Variants in ZNF428 observed in about 807,000 individuals in gnomAD.
The protein encoded by ZNF428 is enzyme-like protein PIT13.
ZNF428 carries 5 observed loss-of-function variants against 15.6 expected under a neutral mutation model. The observed-to-expected ratio is 0.32, with a 90% CI of 0.17 to 0.67. The LOEUF (loss-of-function observed/expected upper bound fraction) is 0.67. Ranked by LOEUF, ZNF428 falls within the 30% of genes least tolerant of loss-of-function variation. ZNF428 has a pLI of 0.73. For missense variants in ZNF428, 237 were observed against 256.0 expected, an observed-to-expected ratio of 0.93 and a Z score of 0.51; for synonymous variants, 97 against 102.2, an observed-to-expected ratio of 0.95 and a Z score of 0.31.
At chr19:43,608,898 A>T (rs1363864890) in intron 2 of ZNF428, among the ~76,000 whole-genome samples, 1 of 151,400 alleles carries the variant, frequency 6.6e-6, no homozygotes, top group Non-Finnish European at 1.5e-5. Flanking sequence ...ACTGCACTCC[A>T]GCCTGGGTGA....
At position 43,607,443 on chromosome 19, in the gene ZNF428, C is replaced by T; in HGVS notation, c.*174G>A. Reference sequence around the variant, plus strand: ...CACACACACACACACACACTCTGAACCAACACACACAGATACAGATTTTGG... The same window carrying T: ...CACACACACACACACACACTCTGAATCAACACACACAGATACAGATTTTGG... On this transcript the variant is annotated 3_prime_UTR_variant, in exon 3 of 3. Transcript: ENST00000300811. This position sits in a 1 kb window ranked among gnomAD's most constrained non-coding sequence, Gnocchi z 5.1. The T allele has an allele frequency of 5.2e-6, 4 of 771,852 alleles. No homozygotes were observed. The highest frequency in any genetic ancestry group is 8.0e-6 in the Non-Finnish European group (4 of 500,692). 47.8% of individuals were successfully genotyped at this position (771,852 alleles called of 1,614,324 possible). A position where few individuals can be genotyped will look rare whatever the true frequency, so the allele number is the denominator to read the frequency against.
At position 43,608,142 on chromosome 19, in the gene ZNF428, C is replaced by T. The variant is rs376984416; in HGVS notation, c.77-35G>A. 20 of 1,584,154 alleles carry T rather than the reference C, an allele frequency of 1.3e-5. No individual in the cohort carries two copies. The African/African-American group carries it at 2.4e-4, about 19-fold the overall frequency. ...GACAGACAGGGGAAGACAGTGGTATCAGAGGAAAGAGGGCTAGGCCAAGCT... is the reference window on the plus strand; with the variant it reads ...GACAGACAGGGGAAGACAGTGGTATTAGAGGAAAGAGGGCTAGGCCAAGCT... On this transcript the variant is annotated intron_variant, in intron 2 of 2. Transcript: ENST00000300811.
At chr19:43,614,053 TAC>T in intron 2 of ZNF428, 174 bp downstream of exon 2, 2 of 1,553,046 alleles carry the variant, frequency 1.3e-6, no homozygotes, top group Non-Finnish European at 1.7e-6. Context: ...CCAGTCAATC[TAC>T]AGTCCCCAGA....
rs1371952446 is a variant in ZNF428, at chr19:43,612,298, A to C, written c.76+1931T>G. On this transcript the variant is annotated intron_variant, in intron 2 of 2. Coordinates refer to ENST00000300811, the MANE Select transcript of ZNF428 (RefSeq NM_182498.4). The surrounding 1 kb of genome is among the most constrained non-coding windows in gnomAD (Gnocchi z 4.2). The stretch of plus-strand genomic sequence containing the variant: ...CATCCCGTAACTCAGTCATGAGCCC[A>C]AGCAGTTCCAAGTCCACCAAATCGA... 6.4e-7 allele frequency: 1 copy of C among 1,551,680 alleles called. No homozygotes were observed. The highest frequency in any genetic ancestry group is 2.4e-5 in the East Asian group (1 of 40,920).
Position 43,612,796 on chromosome 19 carries a change from T to G in ZNF428, c.76+1433A>C. 6.4e-7 allele frequency: 1 copy of G among 1,551,452 alleles called. No homozygotes were observed. The highest frequency in any genetic ancestry group is 8.7e-7 in the Non-Finnish European group (1 of 1,146,932). On this transcript the variant is annotated intron_variant, in intron 2 of 2. Transcript: ENST00000300811. The surrounding 1 kb of genome is among the most constrained non-coding windows in gnomAD (Gnocchi z 4.2). The stretch of plus-strand genomic sequence containing the variant: ...CCAAGTGTCAAACCCCGACTGGAAT[T>G]CCCTCCAAGGAGAAGAGTGACAACC...
At position 43,607,874 on chromosome 19, in the gene ZNF428, C is replaced by A; in HGVS notation, c.310G>T (p.Ala104Ser). 1.3e-6 allele frequency: 2 copies of A among 1,556,848 alleles called. No homozygotes were observed. Among genetic ancestry groups the A allele is most frequent in the Non-Finnish European group, 1.7e-6 (2 of 1,150,298 alleles). ...QLCGRSPLGE[A>S]PPGTPPCRLC... ...CGGCAGGGTGGGGTTCCCGGTGGGG[C>A]CTCCCCAAGGGGTGAGCGGCCACAG... Residue 104 changes from alanine to serine, a missense_variant, in exon 3 of 3, where the codon GCC becomes TCC. By Grantham distance (99) the Ala-to-Ser change is moderately conservative. Coordinates refer to ENST00000300811, the MANE Select transcript of ZNF428 (RefSeq NM_182498.4). This position sits in a 1 kb window ranked among gnomAD's most constrained non-coding sequence, Gnocchi z 5.1.
intron 2 of ZNF428, chr19:43,613,831 AC>A: frequency 6.5e-7 from 1 of 1,549,086 alleles, no homozygotes. Context: ...GAGATCGCAG[AC>A]GATGGAGAAG....
At chr19:43,615,151 C>G (rs774830019) in intron 1 of ZNF428, among the ~76,000 whole-genome samples, 2 of 152,122 alleles carry the variant, frequency 1.3e-5, no homozygotes, top group African/African-American at 4.8e-5. Context: ...TACTCTCACA[C>G]TATCACAACA....
chr19:43,608,043 ATCT>A lies in ZNF428; in HGVS notation c.138_140del (p.Glu46del), dbSNP rs1375746306. The A allele has an allele frequency of 1.4e-5, 22 of 1,613,572 alleles. No individual in the cohort carries two copies. The highest frequency in any genetic ancestry group is 4.5e-5 in the East Asian group (2 of 44,858). ...TGGTCTCCTCTTCCTCCTCCTCCTC[ATCT>A]TCTTCCTCTTCGGAGTCCGGCTCTG... On this transcript the variant is annotated inframe_deletion, in exon 3 of 3. Transcript: ENST00000300811.
intron 2 of ZNF428, chr19:43,611,995 G>T: frequency 1.4e-6 from 1 of 717,552 alleles, no homozygotes; most frequent in Non-Finnish European, 2.4e-6. Context: ...TCACCCTCCA[G>T]AGTCTTCAAT....
At chr19:43,618,200 A>G (rs1203175222) in intron 1 of ZNF428, among the ~76,000 whole-genome samples, 1 of 150,626 alleles carries the variant, frequency 6.6e-6, no homozygotes, top group Non-Finnish European at 1.5e-5. Context: ...ACGCCCGACT[A>G]TTTTTTGTAT....
rs553122513 is a variant in ZNF428 at position 43,614,260 on chromosome 19, G to A, written c.45C>T (p.Ser15=). The A allele has an allele frequency of 3.7e-6, 6 of 1,613,842 alleles. No individual in the cohort carries two copies. In the South Asian group the frequency reaches 6.6e-5, roughly 18 times the overall value. Residue 15 remains serine, a synonymous_variant, in exon 2 of 3, where the codon AGC becomes AGT. Transcript: ENST00000300811. Reference sequence around the variant, plus strand: ...AAAGGTCTTCATCATCTTCTTCCAAGCTGGCGTAGCCCCCAGTCTCAGCTG... The same window carrying A: ...AAAGGTCTTCATCATCTTCTTCCAAACTGGCGTAGCCCCCAGTCTCAGCTG... The part of the protein sequence containing the change: ...REPAETGGYA[S]LEEDDEDLSP...
At chr19:43,611,751 C>T (rs1248407884) in intron 2 of ZNF428, among the ~76,000 whole-genome samples, 3 of 152,228 alleles carry the variant, frequency 2.0e-5, no homozygotes, top group African/African-American at 7.2e-5. Context: ...CCGGCCCCTG[C>T]ACTGCTCTCC....
At chr19:43,613,437 G>T (rs1010210434) in intron 2 of ZNF428, 1 of 1,543,944 alleles carries the variant, frequency 6.5e-7, no homozygotes, top group African/African-American at 1.4e-5. Flanking sequence ...GATTGCAGCC[G>T]ATCTAGAAGT....
chr19:43,614,186 G>A lies in ZNF428; in HGVS notation c.76+43C>T, dbSNP rs755774308. Reference sequence around the variant, plus strand: ...CAGTGGGGGCCAAACCCTAAGCCAGGATGACAGTCAAGCCGACGCCACCAC... The same window carrying A: ...CAGTGGGGGCCAAACCCTAAGCCAGAATGACAGTCAAGCCGACGCCACCAC... On this transcript the variant is annotated intron_variant, in intron 2 of 2. Coordinates refer to ENST00000300811, the MANE Select transcript of ZNF428 (RefSeq NM_182498.4). The A allele has an allele frequency of 3.7e-6, 6 of 1,614,178 alleles. No individual in the cohort carries two copies. In the East Asian group the frequency reaches 1.3e-4, roughly 36 times the overall value.
chr19:43,609,382 G>GAGAGAGAGAGAGAGA (rs1555775028), intron 2 of ZNF428, among the ~76,000 whole-genome samples: 4 of 151,770 alleles, frequency 2.6e-5, no homozygotes, highest in African/African-American at 9.7e-5. Flanking sequence ...GAGAGAGTTA[G>GAGAGAGAGAGAGAGA]GTGAATTAAA....
In ZNF428 at chr19:43,612,856, C is replaced by T. The variant is rs1037959874; in HGVS notation, c.76+1373G>A. 73 of 1,551,650 alleles carry T rather than the reference C, an allele frequency of 4.7e-5. No individual in the cohort carries two copies. Among genetic ancestry groups the T allele is most frequent in the Non-Finnish European group, 5.4e-5 (62 of 1,146,992 alleles). On this transcript the variant is annotated intron_variant, in intron 2 of 2. Coordinates refer to ENST00000300811, the MANE Select transcript of ZNF428 (RefSeq NM_182498.4). This position sits in a 1 kb window ranked among gnomAD's most constrained non-coding sequence, Gnocchi z 4.2. ...CCTCATCAAGGAAGGTGAAGAGCTA[C>T]GGTCAGATGATCATCCCCAGTAGGG...
At chr19:43,615,600 AGAGGCT>A (rs1973364770) in intron 1 of ZNF428, among the ~76,000 whole-genome samples, 1 of 151,746 alleles carries the variant, frequency 6.6e-6, no homozygotes, top group African/African-American at 2.4e-5. Context: ...CAGCTACCTG[AGAGGCT>A]GAGGCAGGAG....
Position 43,612,286 on chromosome 19 carries a change from A to G in ZNF428, c.76+1943T>C. Reference sequence around the variant, plus strand: ...CCAAACCAGCGACATCCCGTAACTCAGTCATGAGCCCAAGCAGTTCCAAGT... The same window carrying G: ...CCAAACCAGCGACATCCCGTAACTCGGTCATGAGCCCAAGCAGTTCCAAGT... On this transcript the variant is annotated intron_variant, in intron 2 of 2. Coordinates refer to ENST00000300811, the MANE Select transcript of ZNF428 (RefSeq NM_182498.4). This position sits in a 1 kb window ranked among gnomAD's most constrained non-coding sequence, Gnocchi z 4.2. 1.3e-6 allele frequency: 2 copies of G among 1,551,712 alleles called. No individual in the cohort carries two copies. Among genetic ancestry groups the G allele is most frequent in the Non-Finnish European group, 1.7e-6 (2 of 1,146,982 alleles).
Sources: allele counts gnomAD v4.1 joint callset (sites outside exome capture counted in the v4.1 genomes callset), GRCh38; gene constraint gnomAD v4.1.1; non-coding constraint Gnocchi (gnomAD v3.1); transcripts MANE v1.5; gene names NCBI Gene and HGNC (gene_info 2026-07-23, HGNC 2026-07-21).